The following CABIN1 variants were observed in gnomAD, a reference collection of about 807,000 sequenced individuals.
The protein encoded by CABIN1 is calcineurin-binding protein cabin-1.
Under a neutral mutation model 227.7 loss-of-function variants are expected in CABIN1, and 133 were observed. The observed-to-expected ratio is 0.58, with a 90% CI of 0.51 to 0.67. The LOEUF (loss-of-function observed/expected upper bound fraction) is 0.67, where lower values mean the gene tolerates loss of function less well. Among genes scored for constraint, CABIN1 ranks in the 30% least tolerant of loss-of-function variants. The pLI is 0.00. For missense variants in CABIN1, 2,408 were observed against 2,852.5 expected (o/e 0.84, Z 3.55); for synonymous variants, 1,086 against 1,155.1 (o/e 0.94, Z 1.21).
rs576215741 is a variant in CABIN1 at position 24,078,960 on chromosome 22, A to G, written c.2748+2676A>G. ...TTAAAATTTTACATACTAAATATATAGTATGTAACCTCTTGCAGCTTGCTT... is the reference window on the plus strand; with the variant it reads ...TTAAAATTTTACATACTAAATATATGGTATGTAACCTCTTGCAGCTTGCTT... On this transcript the variant is annotated intron_variant, in intron 19 of 36. Transcript: ENST00000263119. Among the ~76,000 whole-genome samples, 247 of 148,912 alleles carry G rather than the reference A, an allele frequency of 1.7e-3. 5 individuals are homozygous for G. The Middle Eastern group carries it at 0.024, about 14-fold the overall frequency.
intron 1 of CABIN1, among the ~76,000 whole-genome samples, chr22:24,026,835 C>G (rs1162449998): frequency 6.6e-6 from 1 of 152,198 alleles, no homozygotes; most frequent in Non-Finnish European, 1.5e-5. Flanking sequence ...TCCAATATTA[C>G]TATTCTTTTC....
intron 1 of CABIN1, among the ~76,000 whole-genome samples, chr22:24,012,762 C>CT (rs1413865348): frequency 6.6e-6 from 1 of 151,966 alleles, no homozygotes; most frequent in African/African-American, 2.4e-5. Context: ...TATTCAATAG[C>CT]TTTTGTGTGT....
At chr22:24,026,573 C>T (rs542013291) in intron 1 of CABIN1, among the ~76,000 whole-genome samples, 3 of 151,736 alleles carry the variant, frequency 2.0e-5, no homozygotes, top group African/African-American at 7.3e-5. Context: ...AATTTTTGGT[C>T]AAGGTTCTTT....
intron 1 of CABIN1, among the ~76,000 whole-genome samples, chr22:24,020,933 C>A (rs1381961862): frequency 1.3e-5 from 2 of 151,904 alleles, no homozygotes. Context: ...TCTATATCAT[C>A]TCCTCTGTTA....
In CABIN1 at chr22:24,140,105, C is replaced by T. The variant is rs545945460; in HGVS notation, c.4746+5690C>T. 1.1e-3 allele frequency among the ~76,000 whole-genome samples: 170 copies of T among 152,274 alleles called. 1 individual carries two copies. The highest frequency in any genetic ancestry group is 4.0e-3 in the African/African-American group (166 of 41,554). ...GGAAGGCTAGGATTAGAGGCACCCTCGGGGGAACTCCTTAGGCTGGGCTGC... is the reference window on the plus strand; with the variant it reads ...GGAAGGCTAGGATTAGAGGCACCCTTGGGGGAACTCCTTAGGCTGGGCTGC... On this transcript the variant is annotated intron_variant, in intron 29 of 36. Transcript: ENST00000263119.
chr22:24,041,564 C>T (rs2037375384), intron 5 of CABIN1, among the ~76,000 whole-genome samples: 1 of 151,994 alleles, frequency 6.6e-6, no homozygotes, highest in Non-Finnish European at 1.5e-5. Context: ...CTCTTGGTAT[C>T]TCTAGGTCTA....
intron 29 of CABIN1, among the ~76,000 whole-genome samples, chr22:24,160,748 A>G (rs2046104927): frequency 6.6e-6 from 1 of 152,196 alleles, no homozygotes; most frequent in Non-Finnish European, 1.5e-5. Flanking sequence ...AGTGTTCTAT[A>G]ACTTCAGGGA....
rs1327885176 is a variant in CABIN1 at position 24,024,774 on chromosome 22, T to G, written c.-74-10670T>G. Reference sequence around the variant, plus strand: ...CTTTCCTTCACATTCGCTGACCATTTATTTCGCCTGCTCACATTTGTTTTT... The same window carrying G: ...CTTTCCTTCACATTCGCTGACCATTGATTTCGCCTGCTCACATTTGTTTTT... On this transcript the variant is annotated intron_variant, in intron 1 of 36. Transcript: ENST00000263119. 3.9e-5 allele frequency among the ~76,000 whole-genome samples: 6 copies of G among 152,238 alleles called. No individual in the cohort carries two copies. The East Asian group carries it at 1.2e-3, about 29-fold the overall frequency.
intron 29 of CABIN1, among the ~76,000 whole-genome samples, chr22:24,151,141 T>C (rs1432859256): frequency 6.6e-6 from 1 of 152,126 alleles, no homozygotes; most frequent in African/African-American, 2.4e-5. Flanking sequence ...GGACCTCACC[T>C]CTGGCTCGTG....
At chr22:24,110,392 A>T (rs1008043774) in intron 26 of CABIN1, among the ~76,000 whole-genome samples, 8 of 152,226 alleles carry the variant, frequency 5.3e-5, no homozygotes, top group African/African-American at 1.9e-4. Context: ...CTAAGCCCAC[A>T]ATACATTGCT....
At chr22:24,109,395 T>C (rs1448992378) in intron 26 of CABIN1, among the ~76,000 whole-genome samples, 1 of 151,802 alleles carries the variant, frequency 6.6e-6, no homozygotes, top group East Asian at 1.9e-4. Context: ...TTTAATTTTT[T>C]GTACAGACGG....
At chr22:24,034,075 A>G (rs941446772) in intron 1 of CABIN1, among the ~76,000 whole-genome samples, 1 of 152,154 alleles carries the variant, frequency 6.6e-6, no homozygotes, top group Non-Finnish European at 1.5e-5. Context: ...TTAGATTCTC[A>G]TAAGGAATGC....
intron 1 of CABIN1, among the ~76,000 whole-genome samples, chr22:24,027,453 G>A (rs565645253): frequency 3.9e-5 from 6 of 152,178 alleles, no homozygotes; most frequent in Non-Finnish European, 8.8e-5. Flanking sequence ...CTTGTTTCTT[G>A]ATCTTGGAGG....
intron 17 of CABIN1, among the ~76,000 whole-genome samples, chr22:24,071,923 T>C (rs1217041215): frequency 6.6e-6 from 1 of 152,100 alleles, no homozygotes; most frequent in Non-Finnish European, 1.5e-5. Context: ...AGCCACTCAC[T>C]TGGAAACTTT....
chr22:24,152,240 T>A (rs2045526952), intron 29 of CABIN1, among the ~76,000 whole-genome samples: 1 of 152,222 alleles, frequency 6.6e-6, no homozygotes, highest in Admixed American at 6.5e-5. Flanking sequence ...GCGTCCTCAC[T>A]CATGGCTCAC....
At chr22:24,156,392 G>A (rs1464723202) in intron 29 of CABIN1, 6 of 276,126 alleles carry the variant, frequency 2.2e-5, no homozygotes, top group Non-Finnish European at 3.4e-5. Flanking sequence ...CTTGGGCGGC[G>A]GCGCGCGGGG....
In CABIN1 at chr22:24,136,524, A is replaced by ATTTTTTTTTTTTTTTTTTTTTTTT. The variant is rs145864566; in HGVS notation, c.4746+2110_4746+2133dup. The stretch of plus-strand genomic sequence containing the variant: ...ACTGCCACGCCCAGCTAATTTTTGT[A>ATTTTTTTTTTTTTTTTTTTTTTTT]TTTTTTTTTTTTTTTTTTTTTTTTA... On this transcript the variant is annotated intron_variant, in intron 29 of 36. Transcript: ENST00000263119. Among the ~76,000 whole-genome samples the ATTTTTTTTTTTTTTTTTTTTTTTT allele has an allele frequency of 3.4e-4, 24 of 69,876 alleles. 2 individuals carry two copies. The highest frequency in any genetic ancestry group is 1.3e-3 in the African/African-American group (22 of 16,482). 45.8% of individuals were successfully genotyped at this position (69,876 alleles called of 152,430 possible).
chr22:24,120,043 C>T (rs928990813), intron 28 of CABIN1, among the ~76,000 whole-genome samples: 5 of 152,196 alleles, frequency 3.3e-5, no homozygotes, highest in African/African-American at 9.6e-5. Flanking sequence ...CGTGCTCCCT[C>T]ACCCCTGCCA....
At chr22:24,042,295 A>G (rs1307282931) in intron 5 of CABIN1, among the ~76,000 whole-genome samples, 1 of 152,224 alleles carries the variant, frequency 6.6e-6, no homozygotes, top group Non-Finnish European at 1.5e-5. Flanking sequence ...TTAAATATGT[A>G]AGGAATACAG....
Sources: gnomAD v4.1 joint callset for allele counts (sites outside exome capture counted in the v4.1 genomes callset) on GRCh38, gnomAD v4.1.1 for gene constraint, MANE v1.5 for transcripts, NCBI Gene and HGNC (gene_info 2026-07-23, HGNC 2026-07-21) for gene names.